GAK: variants seen among roughly 807,000 people sequenced by gnomAD.
The protein encoded by GAK is cyclin G associated kinase, also known as cyclin-G-associated kinase.
GAK carries 79 observed loss-of-function variants against 143.9 expected under a neutral mutation model. That is an observed-to-expected ratio of 0.55 (90% CI 0.46 to 0.66). GAK has a LOEUF of 0.66. GAK is among the 30% of genes least tolerant of loss of function. The probability of loss-of-function intolerance (pLI) is 0.00; values close to 1 mark genes in which losing one functional copy is unlikely to be tolerated. For missense variants in GAK, 1,693 were observed against 1,779.7 expected (o/e 0.95, Z 0.88); for synonymous variants, 881 against 765.5 (o/e 1.15, Z -2.49).
intron 8 of GAK, 73 bp from the exon 9 acceptor site, chr4:893,562 T>A: frequency 8.9e-7 from 1 of 1,118,422 alleles, no homozygotes; most frequent in Non-Finnish European, 1.2e-6. Flanking sequence ...CTGGCAGAGG[T>A]CACAGACCAC....
intron 1 of GAK, among the ~76,000 whole-genome samples, chr4:930,550 C>A (rs967283848): frequency 6.0e-5 from 9 of 150,326 alleles, no homozygotes; most frequent in African/African-American, 2.2e-4. Flanking sequence ...CTGTACCACC[C>A]CTAAGGATCT....
At chr4:865,913 T>A (rs1751089701) in intron 22 of GAK, among the ~76,000 whole-genome samples, 1 of 152,228 alleles carries the variant, frequency 6.6e-6, no homozygotes, top group East Asian at 1.9e-4. Context: ...CCCCGGCGCC[T>A]GACCTCCTCC....
At chr4:895,095 C>T (rs555723005) in intron 7 of GAK, among the ~76,000 whole-genome samples, 44 of 152,374 alleles carry the variant, frequency 2.9e-4, no homozygotes, top group African/African-American at 9.4e-4. Context: ...ACAGACCCTG[C>T]TGTGTGCTAT....
At chr4:863,158 A>G (rs1750591635) in intron 23 of GAK, among the ~76,000 whole-genome samples, 1 of 152,216 alleles carries the variant, frequency 6.6e-6, no homozygotes, top group Non-Finnish European at 1.5e-5. Flanking sequence ...ACCCTCAAGG[A>G]TGACTTTGAG....
At chr4:880,784 G>A (rs1170522705) in intron 15 of GAK, among the ~76,000 whole-genome samples, 2 of 152,228 alleles carry the variant, frequency 1.3e-5, no homozygotes, top group South Asian at 2.1e-4. Context: ...CCCGGTGGGA[G>A]CAGCACTCTG....
At chr4:890,696 G>A (rs1717471910) in intron 9 of GAK, 74 bp from the exon 10 acceptor site, 23 of 1,234,060 alleles carry the variant, frequency 1.9e-5, no homozygotes, top group Non-Finnish European at 2.5e-5. Context: ...GCAGAGGTAC[G>A]GTATGGGTGC....
Position 893,902 on chromosome 4 carries a change from C to T in GAK, c.849G>A (p.Thr283=), listed in dbSNP as rs757009739. ...TGAGGCTGTGGAAGACCGTGTACTGCGTGTCGTGCGGGGGGATCGAGTACT... is the reference window on the plus strand; with the variant it reads ...TGAGGCTGTGGAAGACCGTGTACTGTGTGTCGTGCGGGGGGATCGAGTACT... The part of the protein sequence containing the change: ...NGKYSIPPHD[T]QYTVFHSLIR... Residue 283 remains threonine (T), a synonymous_variant, in exon 8 of 28, where the codon ACG becomes ACA. Transcript: ENST00000314167. 6.8e-6 allele frequency: 11 copies of T among 1,608,768 alleles called. No homozygotes were observed. Among genetic ancestry groups the T allele is most frequent in the Non-Finnish European group, 8.5e-6 (10 of 1,177,434 alleles).
At chr4:915,477 G>C (rs895338803) in intron 1 of GAK, 2 of 153,062 alleles carry the variant, frequency 1.3e-5, no homozygotes, top group African/African-American at 4.8e-5. Context: ...AAGAGGAAAA[G>C]ACATAAAAGA....
chr4:931,993 C>T (rs570726938), intron 1 of GAK, 50 bp downstream of exon 1: 4 of 1,338,064 alleles, frequency 3.0e-6, no homozygotes, highest in East Asian at 4.9e-5. Flanking sequence ...CCCAGCGTCC[C>T]GGAGACAACA....
chr4:903,330 C>A (rs568677128), intron 5 of GAK, among the ~76,000 whole-genome samples: 11 of 152,222 alleles, frequency 7.2e-5, no homozygotes, highest in Non-Finnish European at 1.0e-4. Context: ...GCAGGAGAGT[C>A]TGCCGGTGAA....
chr4:849,593 G>C lies in GAK; in HGVS notation c.*80C>G. 1 of 1,130,718 alleles carries C rather than the reference G, an allele frequency of 8.8e-7. No homozygotes were observed. The highest frequency in any genetic ancestry group is 1.3e-6 in the Non-Finnish European group (1 of 762,748). The allele number at this position is 1,130,718 out of a possible 1,614,324, so 70.0% of individuals were successfully genotyped here. On this transcript the variant is annotated 3_prime_UTR_variant, in exon 28 of 28. Transcript: ENST00000314167. ...CTGGCCACACCTGCTGTCGCCCACG[G>C]GGTCCTCACGGTGGGGACCCAGGTC... is the stretch of plus-strand genomic sequence containing the variant.
intron 18 of GAK, among the ~76,000 whole-genome samples, chr4:871,236 C>A (rs1289224932): frequency 6.6e-6 from 1 of 152,236 alleles, no homozygotes; most frequent in African/African-American, 2.4e-5. Flanking sequence ...TCCTGCAACT[C>A]CAGGGGAGGC....
At chr4:851,678 C>G in intron 25 of GAK, 72 bp downstream of exon 25, 1 of 1,480,594 alleles carries the variant, frequency 6.8e-7, no homozygotes, top group Non-Finnish European at 9.4e-7. Flanking sequence ...AAGAAAACAA[C>G]ATAGGTTCTA....
intron 24 of GAK, among the ~76,000 whole-genome samples, chr4:856,839 G>C (rs1749380910): frequency 6.6e-6 from 1 of 152,258 alleles, no homozygotes; most frequent in Non-Finnish European, 1.5e-5. Flanking sequence ...GCCTCCCAGA[G>C]CACTGGGGTT....
intron 20 of GAK, among the ~76,000 whole-genome samples, chr4:867,753 C>T (rs1388208363): frequency 2.0e-5 from 3 of 152,220 alleles, no homozygotes; most frequent in Admixed American, 1.3e-4. Flanking sequence ...ATGGCCAGCA[C>T]CAATGTCCCC....
chr4:865,415 C>G (rs1002728035), intron 22 of GAK, among the ~76,000 whole-genome samples, 171 bp from the exon 23 acceptor site: 5 of 152,194 alleles, frequency 3.3e-5, no homozygotes, highest in Non-Finnish European at 7.4e-5. Context: ...AGGATGCATC[C>G]CATCACACAG....
chr4:864,343 A>G (rs544275008), intron 23 of GAK, among the ~76,000 whole-genome samples: 1 of 152,324 alleles, frequency 6.6e-6, no homozygotes, highest in Non-Finnish European at 1.5e-5. Flanking sequence ...CCTGGGTGAC[A>G]GAGCAAGACC....
chr4:870,593 G>T, intron 19 of GAK, 118 bp downstream of exon 19: 1 of 1,028,450 alleles, frequency 9.7e-7, no homozygotes, highest in Non-Finnish European at 1.4e-6. Flanking sequence ...AGCTGCTCAG[G>T]GCCTGGGTGC....
At chr4:905,034 C>G (rs188265645) in intron 4 of GAK, among the ~76,000 whole-genome samples, 5 of 152,314 alleles carry the variant, frequency 3.3e-5, no homozygotes, top group Admixed American at 3.3e-4. Context: ...TTTTCGTAAC[C>G]AATCAGATGT....
Sources: allele counts gnomAD v4.1 joint callset (sites outside exome capture counted in the v4.1 genomes callset), GRCh38; gene constraint gnomAD v4.1.1; transcripts MANE v1.5; gene names NCBI Gene and HGNC (gene_info 2026-07-23, HGNC 2026-07-21).